PRKG1: variants seen among roughly 807,000 people sequenced by gnomAD.
PRKG1 encodes cGMP-dependent protein kinase 1.
In PRKG1, 35 loss-of-function variants were observed where a neutral mutation model predicts 88.1. The observed-to-expected ratio is 0.40, with a 90% CI of 0.30 to 0.53. The LOEUF is 0.53. PRKG1 is among the 20% of genes least tolerant of loss of function. The probability of loss-of-function intolerance (pLI) is 0.59; values close to 1 mark genes in which losing one functional copy is unlikely to be tolerated. For missense variants in PRKG1, 540 were observed against 839.8 expected, an observed-to-expected ratio of 0.64 and a Z score of 4.41; for synonymous variants, 303 against 292.5, an observed-to-expected ratio of 1.04 and a Z score of -0.37.
chr10:51,374,093 A>AAAAATATATATATATATATATATAT, intron 2 of PRKG1, among the ~76,000 whole-genome samples: 186 of 99,984 alleles, frequency 1.9e-3, no homozygotes, highest in Middle Eastern at 0.013. Flanking sequence ...AAAAAAAAAA[A>AAAAATATATATATATATATATATAT]ATATATATAT....
At chr10:51,019,830 G>A (rs1843113496) in intron 1 of PRKG1, among the ~76,000 whole-genome samples, 1 of 151,852 alleles carries the variant, frequency 6.6e-6, no homozygotes, top group South Asian at 2.1e-4. Context: ...ATTTAAAAAT[G>A]GGCAAAGGAA....
chr10:51,151,378 T>A (rs1766203749), intron 1 of PRKG1, among the ~76,000 whole-genome samples: 1 of 152,024 alleles, frequency 6.6e-6, no homozygotes, highest in Non-Finnish European at 1.5e-5. Context: ...CCCTACCATT[T>A]ACTGAAAGTA....
chr10:51,393,882 G>A (rs1246751414), intron 2 of PRKG1, among the ~76,000 whole-genome samples: 3 of 152,008 alleles, frequency 2.0e-5, no homozygotes, highest in Non-Finnish European at 4.4e-5. Context: ...CTATTTGGGG[G>A]TATATATGGT....
intron 2 of PRKG1, among the ~76,000 whole-genome samples, chr10:51,405,774 C>A (rs912818396): frequency 2.0e-5 from 3 of 152,112 alleles, no homozygotes; most frequent in Non-Finnish European, 4.4e-5. Context: ...CTTCCCTGTT[C>A]CTGCACACAG....
intron 2 of PRKG1, among the ~76,000 whole-genome samples, chr10:51,235,807 A>G (rs1241251028): frequency 1.3e-5 from 2 of 152,204 alleles, no homozygotes; most frequent in African/African-American, 4.8e-5. Flanking sequence ...CCAGGAAAGT[A>G]TGTAAAGCAA....
At chr10:51,791,826 G>T (rs910761485) in intron 3 of PRKG1, among the ~76,000 whole-genome samples, 4 of 152,064 alleles carry the variant, frequency 2.6e-5, no homozygotes, top group African/African-American at 9.7e-5. Flanking sequence ...TACTAAGATT[G>T]CTGTAGGTAG....
chr10:52,002,563 G>A (rs1844626748), intron 5 of PRKG1, among the ~76,000 whole-genome samples: 1 of 152,104 alleles, frequency 6.6e-6, no homozygotes, highest in Non-Finnish European at 1.5e-5. Flanking sequence ...CATTGTGTAG[G>A]TGACTCACCC....
intron 1 of PRKG1, among the ~76,000 whole-genome samples, chr10:51,047,385 T>C (rs1252598347): frequency 6.6e-6 from 1 of 152,198 alleles, no homozygotes; most frequent in African/African-American, 2.4e-5. Context: ...GCAAAACACG[T>C]AGCTTGTTGC....
chr10:52,161,870 T>G lies in PRKG1; in HGVS notation c.1002-19T>G, dbSNP rs371439554. ...CTATTTTGTAGAAGATTAATCACTG[T>G]GCTTTTTTCGTCTGACAGCTCTTTT... On this transcript the variant is annotated intron_variant, in intron 8 of 17. Transcript: ENST00000373980. 1 of 1,609,690 alleles carries G rather than the reference T, an allele frequency of 6.2e-7. No individual in the cohort carries two copies. The highest frequency in any genetic ancestry group is 1.3e-5 in the African/African-American group (1 of 74,804).
At chr10:51,054,514 G>A (rs758107368) in intron 1 of PRKG1, among the ~76,000 whole-genome samples, 12 of 152,134 alleles carry the variant, frequency 7.9e-5, no homozygotes, top group Non-Finnish European at 1.5e-4. Context: ...TCTAGAGGAA[G>A]CCTCTCATGC....
At chr10:51,548,997 A>G (rs1842510565) in intron 3 of PRKG1, among the ~76,000 whole-genome samples, 1 of 151,746 alleles carries the variant, frequency 6.6e-6, no homozygotes, top group African/African-American at 2.4e-5. Context: ...ACTCAAGAAT[A>G]TGGTTAAGAG....
intron 2 of PRKG1, among the ~76,000 whole-genome samples, chr10:51,156,297 G>GCAAACACACACACACACACACACACA: frequency 2.8e-5 from 1 of 35,134 alleles, no homozygotes; most frequent in South Asian, 6.3e-4. Flanking sequence ...TTTGATGCAA[G>GCAAACACACACACACACACACACACA]CACACACACA....
At chr10:51,208,347 G>A (rs564073659) in intron 2 of PRKG1, among the ~76,000 whole-genome samples, 2 of 152,272 alleles carry the variant, frequency 1.3e-5, no homozygotes, top group East Asian at 3.9e-4. Context: ...TAGGAAAGTT[G>A]AGGAAGGAAC....
At chr10:51,238,049 A>G (rs1839044132) in intron 2 of PRKG1, among the ~76,000 whole-genome samples, 1 of 152,214 alleles carries the variant, frequency 6.6e-6, no homozygotes, top group South Asian at 2.1e-4. Flanking sequence ...AGACAATTAC[A>G]TATTCTTCTA....
intron 4 of PRKG1, among the ~76,000 whole-genome samples, chr10:51,896,949 T>C (rs894516213): frequency 1.3e-5 from 2 of 152,196 alleles, no homozygotes; most frequent in Admixed American, 6.5e-5. Flanking sequence ...CAGCTATTAA[T>C]AGGTTGTGGC....
chr10:51,941,568 C>T (rs1010072186), intron 5 of PRKG1, among the ~76,000 whole-genome samples: 6 of 151,804 alleles, frequency 4.0e-5, no homozygotes, highest in African/African-American at 1.5e-4. Flanking sequence ...CGTCATTTAA[C>T]ATTAGGTATA....
At chr10:51,367,242 C>A (rs1214036152) in intron 2 of PRKG1, among the ~76,000 whole-genome samples, 1 of 151,924 alleles carries the variant, frequency 6.6e-6, no homozygotes, top group East Asian at 1.9e-4. Context: ...CTTGTGAAAT[C>A]TTATCTCTTC....
intron 9 of PRKG1, among the ~76,000 whole-genome samples, chr10:52,246,633 T>C (rs931128236): frequency 1.5e-4 from 23 of 152,052 alleles, no homozygotes; most frequent in Admixed American, 2.0e-4. Flanking sequence ...TCCCAGCACT[T>C]TGGGAGGCCG....
At chr10:51,364,083 T>C (rs1842541534) in intron 2 of PRKG1, among the ~76,000 whole-genome samples, 1 of 151,996 alleles carries the variant, frequency 6.6e-6, no homozygotes, top group African/African-American at 2.4e-5. Flanking sequence ...TCAGCCTTCT[T>C]AGCACAAGAA....
Sources: gnomAD v4.1 joint callset for allele counts (sites outside exome capture counted in the v4.1 genomes callset) on GRCh38, gnomAD v4.1.1 for gene constraint, MANE v1.5 for transcripts, NCBI Gene and HGNC (gene_info 2026-07-23, HGNC 2026-07-21) for gene names.